PPARGC1B: variants seen among roughly 807,000 people sequenced by gnomAD.
PPARGC1B encodes peroxisome proliferator-activated receptor gamma coactivator 1-beta.
PPARGC1B carries 34 observed loss-of-function variants against 101.6 expected under a neutral mutation model. That is an observed-to-expected ratio of 0.33 (90% CI 0.25 to 0.45). PPARGC1B has a LOEUF of 0.45. Ranked by LOEUF, PPARGC1B falls within the 20% of genes least tolerant of loss-of-function variation. PPARGC1B has a pLI of 1.00. For synonymous variants in PPARGC1B, 548 were observed against 539.3 expected, an observed-to-expected ratio of 1.02 and a Z score of -0.22; for missense variants, 1,234 against 1,317.6, an observed-to-expected ratio of 0.94 and a Z score of 0.98.
intron 10 of PPARGC1B, chr5:149,845,516 ATCTGAGGAGTG>A: frequency 3.8e-6 from 2 of 521,592 alleles, no homozygotes; most frequent in Middle Eastern, 4.9e-4. Context: ...TCACAGGCTC[ATCTGAGGAGTG>A]TCTGAGGCAA....
chr5:149,828,621 G>A (rs1758622032), intron 3 of PPARGC1B, among the ~76,000 whole-genome samples: 1 of 152,188 alleles, frequency 6.6e-6, no homozygotes, highest in South Asian at 2.1e-4. Flanking sequence ...GTCAAAGGTT[G>A]TTTCCCTCCC....
At chr5:149,847,362 G>A (rs753365465) in intron 11 of PPARGC1B, 96 bp from the exon 12 acceptor site, 36 of 914,902 alleles carry the variant, frequency 3.9e-5, no homozygotes, top group East Asian at 3.8e-4. Context: ...GCCACTCCAC[G>A]GTGCCCACTC....
chr5:149,782,625 T>TA (rs1169026009), intron 1 of PPARGC1B, among the ~76,000 whole-genome samples: 1 of 152,220 alleles, frequency 6.6e-6, no homozygotes, highest in Admixed American at 6.5e-5. Context: ...TCTGTACCAT[T>TA]TCAAGGAGCC....
In PPARGC1B at chr5:149,771,978, T is replaced by C. The variant is rs1323579556; in HGVS notation, c.78+41558T>C. 4 of 1,402,428 alleles carry C rather than the reference T, an allele frequency of 2.9e-6. No homozygotes were observed. The East Asian group carries it at 7.9e-5, about 28-fold the overall frequency. 86.9% of individuals were successfully genotyped at this position (1,402,428 alleles called of 1,614,324 possible). On this transcript the variant is annotated intron_variant, in intron 1 of 11. Coordinates refer to ENST00000309241, the MANE Select transcript of PPARGC1B (RefSeq NM_133263.4). ...AATCCTCAAGCAACTCTGAATTAGT[T>C]GCTGTTATCCCAGACTTACAGGCAG...
At chr5:149,820,405 T>C in intron 1 of PPARGC1B, 28 bp from the exon 2 acceptor site, 1 of 1,608,034 alleles carries the variant, frequency 6.2e-7, no homozygotes, top group Non-Finnish European at 8.5e-7. Context: ...TCAGCTCTGA[T>C]CCACCTCTTT....
intron 1 of PPARGC1B, among the ~76,000 whole-genome samples, chr5:149,747,515 G>A (rs1477075723): frequency 6.6e-6 from 1 of 152,214 alleles, no homozygotes; most frequent in Non-Finnish European, 1.5e-5. Flanking sequence ...GGTCCCCAGG[G>A]CCCAGCAGGC....
At chr5:149,732,724 G>A (rs1754548380) in intron 1 of PPARGC1B, 5 of 456,836 alleles carry the variant, frequency 1.1e-5, no homozygotes, top group South Asian at 7.9e-5. Context: ...GGACCTGGGC[G>A]GGCCCAGTGT....
chr5:149,799,738 C>T (rs1163194107), intron 1 of PPARGC1B, among the ~76,000 whole-genome samples: 4 of 115,982 alleles, frequency 3.4e-5, no homozygotes, highest in Non-Finnish European at 6.6e-5. Flanking sequence ...GCTCTTGTCA[C>T]CCAGGCTGGA....
chr5:149,792,767 A>AG (rs1757068533), intron 1 of PPARGC1B, among the ~76,000 whole-genome samples: 1 of 152,168 alleles, frequency 6.6e-6, no homozygotes, highest in African/African-American at 2.4e-5. Flanking sequence ...TCATTCATTC[A>AG]TTCAGTCAGT....
intron 1 of PPARGC1B, among the ~76,000 whole-genome samples, chr5:149,810,899 G>A (rs900513860): frequency 1.3e-5 from 2 of 152,078 alleles, no homozygotes; most frequent in Non-Finnish European, 2.9e-5. Context: ...CAAAACCTTG[G>A]TTCTGTGTTA....
chr5:149,751,493 G>A (rs183096732), intron 1 of PPARGC1B, among the ~76,000 whole-genome samples: 1 of 152,170 alleles, frequency 6.6e-6, no homozygotes, highest in African/African-American at 2.4e-5. Flanking sequence ...ATCACCTGAG[G>A]TCAGGAGTTC....
Position 149,836,400 on chromosome 5 carries a change from G to A in PPARGC1B, c.1945G>A (p.Gly649Arg), listed in dbSNP as rs1450705357. The stretch of plus-strand genomic sequence containing the variant: ...GGGCCTCTCACTCAAGGCCACCCCA[G>A]GGGCTGCCCACAAGCTGCCAAAGAA... The part of the protein sequence containing the change: ...PEGLSLKATP[G>R]AAHKLPKKHP... Residue 649 changes from glycine to arginine, a missense_variant, in exon 8 of 12, where the codon GGG becomes AGG. Gly to Arg is a moderately radical substitution (Grantham distance 125, BLOSUM62 -2). Transcript: ENST00000309241. The A allele has an allele frequency of 1.2e-6, 2 of 1,614,014 alleles. No homozygotes were observed. The highest frequency in any genetic ancestry group is 1.3e-5 in the African/African-American group (1 of 74,930).
chr5:149,766,455 G>A, intron 1 of PPARGC1B, among the ~76,000 whole-genome samples: 1 of 152,188 alleles, frequency 6.6e-6, no homozygotes, highest in East Asian at 1.9e-4. Context: ...TATTATTAGT[G>A]TCATGTATTT....
intron 1 of PPARGC1B, among the ~76,000 whole-genome samples, chr5:149,804,290 TG>T (rs67464249): frequency 0.11 from 16,634 of 152,300 alleles, 1,086 homozygotes; most frequent in East Asian, 0.3. Context: ...TTCCAGGTGC[TG>T]GGACTCAGCA....
chr5:149,763,599 C>T (rs1335792310), intron 1 of PPARGC1B, among the ~76,000 whole-genome samples: 3 of 139,498 alleles, frequency 2.2e-5, no homozygotes, highest in African/African-American at 8.0e-5. Flanking sequence ...GGTGTGATCA[C>T]AGCTCACTGC....
intron 1 of PPARGC1B, among the ~76,000 whole-genome samples, chr5:149,793,380 A>G (rs1057242081): frequency 6.6e-6 from 1 of 152,198 alleles, no homozygotes; most frequent in African/African-American, 2.4e-5. Flanking sequence ...TTGGTTCCCC[A>G]GAGCATCCTC....
intron 9 of PPARGC1B, among the ~76,000 whole-genome samples, chr5:149,841,894 G>A (rs1222032407): frequency 6.6e-6 from 1 of 152,130 alleles, no homozygotes; most frequent in South Asian, 2.1e-4. Flanking sequence ...CCTGCCTCCT[G>A]TGCTTGCCCT....
chr5:149,780,599 C>T (rs17110409), intron 1 of PPARGC1B, among the ~76,000 whole-genome samples: 3,711 of 152,120 alleles, frequency 0.024, 130 homozygotes, highest in African/African-American at 0.083. Context: ...TGTGTGTCAG[C>T]GGTTAGATAA....
At chr5:149,762,776 C>A (rs13358977) in intron 1 of PPARGC1B, among the ~76,000 whole-genome samples, 1 of 151,884 alleles carries the variant, frequency 6.6e-6, no homozygotes, top group Admixed American at 6.6e-5. Context: ...TCCCTCATGG[C>A]GCCAAGGTTC....
Sources: allele counts gnomAD v4.1 joint callset (sites outside exome capture counted in the v4.1 genomes callset), GRCh38; gene constraint gnomAD v4.1.1; transcripts MANE v1.5; gene names NCBI Gene and HGNC (gene_info 2026-07-23, HGNC 2026-07-21).